KIF15: variants seen among roughly 807,000 people sequenced by gnomAD.
KIF15 encodes kinesin family member 15.
In KIF15, 140 loss-of-function variants were observed where a neutral mutation model predicts 190.6. That is an observed-to-expected ratio of 0.73 (90% CI 0.64 to 0.84). The LOEUF (loss-of-function observed/expected upper bound fraction) is 0.84. Ranked by LOEUF, KIF15 falls within the 40% of genes least tolerant of loss-of-function variation. The probability of loss-of-function intolerance (pLI) is 0.00; values close to 1 mark genes in which losing one functional copy is unlikely to be tolerated. For synonymous variants in KIF15, 528 were observed against 551.3 expected (o/e 0.96, Z 0.59); for missense variants, 1,372 against 1,584.4 (o/e 0.87, Z 2.28).
Position 44,828,192 on chromosome 3 carries a change from AAAT to A in KIF15, c.2857-20_2857-18del. 1 of 1,570,380 alleles carries A rather than the reference AAAT, an allele frequency of 6.4e-7. No homozygotes were observed. Among genetic ancestry groups the A allele is most frequent in the Non-Finnish European group, 8.8e-7 (1 of 1,141,866 alleles). The stretch of plus-strand genomic sequence containing the variant: ...CTTTGCGATTTAATTATTCTTCTAA[AAAT>A]ATTTCTTTTTCACCATAGATGGCAA... On this transcript the variant is annotated intron_variant, in intron 23 of 34. Coordinates refer to ENST00000326047, the MANE Select transcript of KIF15 (RefSeq NM_020242.3).
chr3:44,828,694 C>T (rs1041466506), intron 24 of KIF15, among the ~76,000 whole-genome samples: 4 of 152,160 alleles, frequency 2.6e-5, no homozygotes, highest in Non-Finnish European at 5.9e-5. Context: ...GTATAAAATT[C>T]TTCTATGTCT....
intron 23 of KIF15, among the ~76,000 whole-genome samples, chr3:44,827,969 G>A (rs534521699): frequency 6.2e-4 from 95 of 152,262 alleles, no homozygotes; most frequent in African/African-American, 2.0e-3. Flanking sequence ...CTGAGCCACC[G>A]TGCCTGGCCT....
Position 44,813,125 on chromosome 3 carries a change from C to G in KIF15, c.2328C>G (p.Leu776=). Residue 776 remains leucine (L), a synonymous_variant, in exon 19 of 35, where the codon CTC becomes CTG. Transcript: ENST00000326047. ...IDWTKQQEEL[L]SQLNVLEKQL... ...GGACCAAACAGCAGGAAGAGCTTCT[C>G]TCACAGTTGAATGTCCTTGAAAAGC... 1 of 1,598,432 alleles carries G rather than the reference C, an allele frequency of 6.3e-7. No individual in the cohort carries two copies. The highest frequency in any genetic ancestry group is 8.5e-7 in the Non-Finnish European group (1 of 1,175,462).
At chr3:44,840,701 C>G (rs1389215123) in intron 28 of KIF15, among the ~76,000 whole-genome samples, 2 of 100,132 alleles carry the variant, frequency 2.0e-5, no homozygotes, top group Non-Finnish European at 3.7e-5. Context: ...TGGAGTCTTG[C>G]TCTGTCACCC....
chr3:44,827,568 A>G, intron 23 of KIF15, 40 bp downstream of exon 23: 8 of 1,305,954 alleles, frequency 6.1e-6, no homozygotes, highest in Non-Finnish European at 8.8e-6. Flanking sequence ...TTTGAAGTTT[A>G]TAACTTTTAT....
rs907669587 is a variant in KIF15 at position 44,828,246 on chromosome 3, G to A, written c.2889G>A (p.Leu963=). ...AAGTACAGAAACTAGAAGAGAGCTT[G>A]CTTGCTACTGAAAAAGTGATCAGTT... ...MAKVQKLEES[L]LATEKVISSL... is the part of the protein sequence containing the mutation. Residue 963 remains leucine, a synonymous_variant, in exon 24 of 35, where the codon TTG becomes TTA. Coordinates refer to ENST00000326047, the MANE Select transcript of KIF15 (RefSeq NM_020242.3). 2 of 1,613,802 alleles carry A rather than the reference G, an allele frequency of 1.2e-6. No individual in the cohort carries two copies. The highest frequency in any genetic ancestry group is 2.2e-5 in the South Asian group (2 of 91,072).
intron 20 of KIF15, among the ~76,000 whole-genome samples, chr3:44,821,542 C>T (rs1007339422): frequency 5.9e-5 from 9 of 151,668 alleles, no homozygotes; most frequent in Non-Finnish European, 1.0e-4. Flanking sequence ...CGGGCAGAGA[C>T]GCTCCTCACT....
At chr3:44,790,182 CAT>C (rs1491238169) in intron 7 of KIF15, among the ~76,000 whole-genome samples, 1 of 151,812 alleles carries the variant, frequency 6.6e-6, no homozygotes, top group Non-Finnish European at 1.5e-5. Flanking sequence ...TACTTTATGA[CAT>C]TTTTTTTTTT....
intron 32 of KIF15, among the ~76,000 whole-genome samples, chr3:44,850,023 A>G (rs1003276769): frequency 2.0e-5 from 3 of 152,238 alleles, no homozygotes; most frequent in Non-Finnish European, 2.9e-5. Context: ...TTCTGCTTTT[A>G]TAGATATAAA....
chr3:44,843,203 C>T lies in KIF15; in HGVS notation c.3664C>T (p.Leu1222=). Residue 1222 remains leucine, a synonymous_variant, in exon 30 of 35, where the codon CTG becomes TTG. Coordinates refer to ENST00000326047, the MANE Select transcript of KIF15 (RefSeq NM_020242.3). ...GAAAAACTGGCTCCTGCAAGGTCAG[C>T]TGGATGATATTAAAAGACAAAAGGA... is the stretch of plus-strand genomic sequence containing the variant. ...IEKNWLLQGQ[L]DDIKRQKENS... 1 of 1,612,934 alleles carries T rather than the reference C, an allele frequency of 6.2e-7. No individual in the cohort carries two copies. The highest frequency in any genetic ancestry group is 8.5e-7 in the Non-Finnish European group (1 of 1,179,346).
intron 20 of KIF15, among the ~76,000 whole-genome samples, chr3:44,820,739 C>G (rs575070629): frequency 1.8e-4 from 28 of 152,312 alleles, no homozygotes; most frequent in African/African-American, 6.5e-4. Flanking sequence ...AAAAGTCTCC[C>G]ATGTCTACCT....
At chr3:44,847,728 T>C (rs1265429898) in intron 30 of KIF15, among the ~76,000 whole-genome samples, 1 of 152,226 alleles carries the variant, frequency 6.6e-6, no homozygotes, top group Non-Finnish European at 1.5e-5. Flanking sequence ...CAACCAATCC[T>C]TGATTATATT....
Position 44,761,891 on chromosome 3 carries a change from C to T in KIF15, c.19+7C>T. ...ATGGCACCCGGCTGCAAAAGTAAGT[C>T]TGGGCCCCCGGCTTCGTTACCCTAT... On this transcript the variant is annotated splice_region_variant and intron_variant, in intron 1 of 34. Coordinates refer to ENST00000326047, the MANE Select transcript of KIF15 (RefSeq NM_020242.3). 1.9e-6 allele frequency: 3 copies of T among 1,614,182 alleles called. No individual in the cohort carries two copies. The highest frequency in any genetic ancestry group is 2.5e-6 in the Non-Finnish European group (3 of 1,180,010).
At chr3:44,824,755 G>A (rs1264668837) in intron 20 of KIF15, among the ~76,000 whole-genome samples, 2 of 151,904 alleles carry the variant, frequency 1.3e-5, no homozygotes, top group Non-Finnish European at 2.9e-5. Flanking sequence ...ATACTTCCTA[G>A]GTTTGTTTGT....
chr3:44,841,478 A>G (rs1575679706), intron 29 of KIF15, among the ~76,000 whole-genome samples: 7 of 151,514 alleles, frequency 4.6e-5, no homozygotes, highest in Admixed American at 6.6e-5. Context: ...GCTCACTGCA[A>G]GCTCCGCCTC....
Position 44,764,555 on chromosome 3 carries a change from AATAGACTTAAGC to A in KIF15, c.19+2675_19+2686del, listed in dbSNP as rs138531512. Among the ~76,000 whole-genome samples, 1,071 of 152,334 alleles carry A rather than the reference AATAGACTTAAGC, an allele frequency of 7.0e-3. 8 individuals are homozygous for A. The highest frequency in any genetic ancestry group is 0.025 in the African/African-American group (1,020 of 41,564). ...GGCTGTTATGAATAAAGCTACTGAG[AATAGACTTAAGC>A]ATATTTTTAGATGGACACATAGAGG... On this transcript the variant is annotated intron_variant, in intron 1 of 34. Coordinates refer to ENST00000326047, the MANE Select transcript of KIF15 (RefSeq NM_020242.3).
chr3:44,777,756 A>G (rs1375770160), intron 3 of KIF15, among the ~76,000 whole-genome samples: 3 of 152,224 alleles, frequency 2.0e-5, no homozygotes, highest in Admixed American at 1.3e-4. Flanking sequence ...ATCTCCTTGT[A>G]GGTAAAAATG....
At chr3:44,850,585 C>G (rs1371368809) in intron 32 of KIF15, among the ~76,000 whole-genome samples, 8 of 152,174 alleles carry the variant, frequency 5.3e-5, no homozygotes, top group African/African-American at 1.9e-4. Context: ...ACTGTTTTAT[C>G]AATCCCAGCC....
chr3:44,785,294 C>G (rs1198972733), intron 6 of KIF15, among the ~76,000 whole-genome samples: 6 of 152,194 alleles, frequency 3.9e-5, no homozygotes, highest in African/African-American at 7.2e-5. Context: ...TACACTAAGC[C>G]TAATCATCTA....
Sources: gnomAD v4.1 joint callset for allele counts (sites outside exome capture counted in the v4.1 genomes callset) on GRCh38, gnomAD v4.1.1 for gene constraint, MANE v1.5 for transcripts, NCBI Gene and HGNC (gene_info 2026-07-23, HGNC 2026-07-21) for gene names.